The following SDK1 variants were observed in gnomAD, a reference collection of about 807,000 sequenced individuals.
The protein encoded by SDK1 is sidekick cell adhesion molecule 1.
A neutral mutation model predicts 245.5 loss-of-function variants in SDK1; 157 were observed. That is an observed-to-expected ratio of 0.64 (90% confidence interval 0.56 to 0.73). SDK1 has a LOEUF of 0.73. Among genes scored for constraint, SDK1 ranks in the 30% least tolerant of loss-of-function variants. The pLI, the probability that SDK1 is intolerant of heterozygous loss-of-function variation, is 0.00. For missense variants in SDK1, 3,583 were observed against 3,002.3 expected (o/e 1.19, Z -4.52); for synonymous variants, 1,647 against 1,278.5 (o/e 1.29, Z -6.15).
At chr7:4,198,875 G>T (rs375691617) in intron 35 of SDK1, among the ~76,000 whole-genome samples, 7 of 149,954 alleles carry the variant, frequency 4.7e-5, no homozygotes, top group African/African-American at 1.5e-4. Context: ...GTGCAGTGGC[G>T]TGATCTCGGC....
At chr7:4,139,565 GTGTATA>G (rs1398084026) in intron 28 of SDK1, among the ~76,000 whole-genome samples, 1,323 of 14,022 alleles carry the variant, frequency 0.094, 255 homozygotes, top group African/African-American at 0.26. Context: ...GTATATATGT[GTGTATA>G]TGTGTGTGTG....
intron 4 of SDK1, among the ~76,000 whole-genome samples, chr7:3,773,587 T>C (rs191702292): frequency 3.9e-5 from 6 of 152,314 alleles, no homozygotes; most frequent in Admixed American, 3.9e-4. Flanking sequence ...AGTGATACTT[T>C]CTTATTTCTT....
At chr7:3,474,826 G>A (rs1409239215) in intron 1 of SDK1, among the ~76,000 whole-genome samples, 1 of 152,108 alleles carries the variant, frequency 6.6e-6, no homozygotes, top group Non-Finnish European at 1.5e-5. Flanking sequence ...CAATGGTGGG[G>A]ACTATATAGG....
chr7:4,221,515 A>G (rs1024662115), intron 40 of SDK1, 151 bp downstream of exon 40: 49 of 925,060 alleles, frequency 5.3e-5, no homozygotes, highest in Non-Finnish European at 7.5e-5. Context: ...GAAGACATCC[A>G]TGGCTCACTC....
At chr7:3,641,823 C>G (rs1034025143) in intron 3 of SDK1, 135 bp from the exon 4 acceptor site, 6 of 718,750 alleles carry the variant, frequency 8.3e-6, no homozygotes, top group Non-Finnish European at 1.4e-5. Flanking sequence ...CGCTGCCGTG[C>G]AGTCTCGCTC....
In SDK1 at chr7:3,559,343, G is replaced by A. The variant is rs568730819; in HGVS notation, c.299-59737G>A. Among the ~76,000 whole-genome samples the A allele has an allele frequency of 1.2e-4, 18 of 152,174 alleles. No individual in the cohort carries two copies. In the South Asian group the frequency reaches 1.2e-3, roughly 11 times the overall value. On this transcript the variant is annotated intron_variant, in intron 1 of 44. Coordinates refer to ENST00000404826, the MANE Select transcript of SDK1 (RefSeq NM_152744.4). Reference sequence around the variant, plus strand: ...GAAATGGTAGTTGGAAGTATTGTCCGCGGTTATGCAGCATGGTGTTTATGA... The same window carrying A: ...GAAATGGTAGTTGGAAGTATTGTCCACGGTTATGCAGCATGGTGTTTATGA...
intron 5 of SDK1, among the ~76,000 whole-genome samples, chr7:3,830,402 C>T (rs909234467): frequency 6.6e-6 from 1 of 152,136 alleles, no homozygotes; most frequent in Non-Finnish European, 1.5e-5. Context: ...TTAAATGTCT[C>T]AATTTAAATT....
chr7:3,906,500 T>G (rs1778940544), intron 5 of SDK1, among the ~76,000 whole-genome samples: 1 of 151,896 alleles, frequency 6.6e-6, no homozygotes, highest in African/African-American at 2.4e-5. Context: ...TGCCTTACCA[T>G]CAAATGGTTT....
chr7:4,236,081 C>T (rs989001972), intron 41 of SDK1, among the ~76,000 whole-genome samples: 1 of 152,252 alleles, frequency 6.6e-6, no homozygotes, highest in Admixed American at 6.5e-5. Context: ...CTGCATTAGC[C>T]AAAGCCGATT....
chr7:3,688,805 C>T (rs1374197305), intron 4 of SDK1, among the ~76,000 whole-genome samples: 1 of 152,158 alleles, frequency 6.6e-6, no homozygotes, highest in Non-Finnish European at 1.5e-5. Flanking sequence ...TTGGATCCTG[C>T]CTCCATTCTG....
intron 5 of SDK1, among the ~76,000 whole-genome samples, chr7:3,858,710 G>T (rs1780609260): frequency 6.6e-6 from 1 of 151,546 alleles, no homozygotes; most frequent in Non-Finnish European, 1.5e-5. Flanking sequence ...AAAAACGAAG[G>T]AAGAATTTCC....
At chr7:3,770,973 A>G (rs563614274) in intron 4 of SDK1, among the ~76,000 whole-genome samples, 63 of 152,244 alleles carry the variant, frequency 4.1e-4, no homozygotes, top group Non-Finnish European at 7.8e-4. Flanking sequence ...CACAATAGGC[A>G]GGTATTGTTG....
intron 1 of SDK1, among the ~76,000 whole-genome samples, chr7:3,609,638 G>A (rs954074669): frequency 3.3e-5 from 5 of 152,026 alleles, no homozygotes; most frequent in African/African-American, 9.7e-5. Flanking sequence ...CTGATCTTAT[G>A]ATCTGTCCAC....
intron 1 of SDK1, among the ~76,000 whole-genome samples, chr7:3,571,347 C>T (rs539984561): frequency 7.2e-5 from 11 of 151,994 alleles, no homozygotes; most frequent in Admixed American, 3.9e-4. Flanking sequence ...TTGTCACGCA[C>T]GTGGGGGTGC....
chr7:4,256,127 C>G (rs545167320), intron 44 of SDK1, among the ~76,000 whole-genome samples: 150 of 152,224 alleles, frequency 9.9e-4, no homozygotes, highest in Non-Finnish European at 2.0e-3. Flanking sequence ...GCCATGTTGG[C>G]CAGGCTGGTC....
intron 4 of SDK1, among the ~76,000 whole-genome samples, chr7:3,775,672 G>A (rs1017333747): frequency 6.6e-6 from 1 of 151,624 alleles, no homozygotes. Flanking sequence ...TGCTTCCCGG[G>A]TTCACGCCAT....
intron 1 of SDK1, among the ~76,000 whole-genome samples, chr7:3,614,798 T>C (rs2128643379): frequency 6.6e-6 from 1 of 152,314 alleles, no homozygotes; most frequent in African/African-American, 2.4e-5. Context: ...TGTTGACATA[T>C]TTTCCCTTCC....
At chr7:4,207,174 C>T (rs1187272415) in intron 36 of SDK1, among the ~76,000 whole-genome samples, 6 of 152,190 alleles carry the variant, frequency 3.9e-5, no homozygotes, top group Non-Finnish European at 7.3e-5. Context: ...AAGAGCAAGG[C>T]GGGCGGGTGT....
At chr7:4,038,488 A>G (rs1413410379) in intron 17 of SDK1, among the ~76,000 whole-genome samples, 2 of 152,192 alleles carry the variant, frequency 1.3e-5, no homozygotes, top group African/African-American at 4.8e-5. Context: ...ATCAATCTGC[A>G]GTGGAAGCTT....
Sources: gnomAD v4.1 joint callset for allele counts (sites outside exome capture counted in the v4.1 genomes callset) on GRCh38, gnomAD v4.1.1 for gene constraint, MANE v1.5 for transcripts, NCBI Gene and HGNC (gene_info 2026-07-23, HGNC 2026-07-21) for gene names.